LPP: variants seen among roughly 807,000 people sequenced by gnomAD.
LPP encodes the protein LIM domain containing preferred translocation partner in lipoma.
Under a neutral mutation model 60.4 loss-of-function variants are expected in LPP, and 38 were observed. The observed-to-expected ratio is 0.63, with a 90% CI of 0.49 to 0.83. The LOEUF (loss-of-function observed/expected upper bound fraction) is 0.83, where lower values mean the gene tolerates loss of function less well. LPP is among the 40% of genes least tolerant of loss of function. The pLI is 0.00. For missense variants in LPP, 902 were observed against 783.6 expected (o/e 1.15, Z -1.80); for synonymous variants, 328 against 290.8 (o/e 1.13, Z -1.30).
intron 4 of LPP, among the ~76,000 whole-genome samples, chr3:188,469,594 C>T (rs758864174): frequency 1.3e-5 from 2 of 152,100 alleles, no homozygotes; most frequent in Non-Finnish European, 2.9e-5. Flanking sequence ...TATGCAGTTC[C>T]TTTCCAAGAT....
At chr3:188,296,896 G>T (rs1226499478) in intron 2 of LPP, among the ~76,000 whole-genome samples, 3 of 152,172 alleles carry the variant, frequency 2.0e-5, no homozygotes, top group Non-Finnish European at 2.9e-5. Flanking sequence ...CTCAATAATT[G>T]GGTAACTCTC....
chr3:188,528,862 G>T (rs1254025015), intron 6 of LPP, among the ~76,000 whole-genome samples: 2 of 152,110 alleles, frequency 1.3e-5, no homozygotes, highest in Admixed American at 1.3e-4. Flanking sequence ...ATGAAAGCTG[G>T]CATCAGTCAT....
intron 6 of LPP, among the ~76,000 whole-genome samples, chr3:188,578,061 C>A (rs949434931): frequency 6.6e-6 from 1 of 152,012 alleles, no homozygotes; most frequent in East Asian, 1.9e-4. Flanking sequence ...TGTCTCTGTA[C>A]TTGAATCTAT....
At chr3:188,850,027 G>C (rs1306669226) in intron 9 of LPP, among the ~76,000 whole-genome samples, 1 of 152,222 alleles carries the variant, frequency 6.6e-6, no homozygotes, top group Admixed American at 6.5e-5. Flanking sequence ...CTTTTTAAAA[G>C]TTATGGATGC....
chr3:188,193,979 G>A (rs1488673086), intron 1 of LPP, among the ~76,000 whole-genome samples: 1 of 152,192 alleles, frequency 6.6e-6, no homozygotes, highest in Non-Finnish European at 1.5e-5. Context: ...GCTCAGCTCT[G>A]CCACTGACAT....
intron 8 of LPP, among the ~76,000 whole-genome samples, chr3:188,724,408 T>C (rs902428028): frequency 6.6e-6 from 1 of 152,160 alleles, no homozygotes; most frequent in Admixed American, 6.5e-5. Context: ...CTACTTTCCT[T>C]GGGGGATGTT....
intron 8 of LPP, among the ~76,000 whole-genome samples, chr3:188,733,211 T>A (rs1721279722): frequency 6.6e-6 from 1 of 152,046 alleles, no homozygotes; most frequent in Admixed American, 6.6e-5. Flanking sequence ...ATTTCTTTAT[T>A]TCTCTGCTGC....
At chr3:188,739,284 G>T (rs889898679) in intron 8 of LPP, among the ~76,000 whole-genome samples, 1 of 152,006 alleles carries the variant, frequency 6.6e-6, no homozygotes, top group Non-Finnish European at 1.5e-5. Flanking sequence ...GGAAGGAAGG[G>T]AGTGACCAAG....
chr3:188,500,897 TTTTA>T (rs1811631919), intron 5 of LPP, among the ~76,000 whole-genome samples: 1 of 152,158 alleles, frequency 6.6e-6, no homozygotes, highest in South Asian at 2.1e-4. Flanking sequence ...ATGCCCCTAC[TTTTA>T]TTTTTGTCTT....
rs113491944 is a variant in LPP at position 188,804,058 on chromosome 3, C to G, written c.1410+43776C>G. ...ATGAAGTATTCCATGTTTTGGGGTG[C>G]TTTTACAAATGGTGATTTAAAAATA... On this transcript the variant is annotated intron_variant, in intron 9 of 11. Coordinates refer to ENST00000617246, the MANE Select transcript of LPP (RefSeq NM_001375462.1). Among the ~76,000 whole-genome samples, 300 of 150,858 alleles carry G rather than the reference C, an allele frequency of 2.0e-3. 2 individuals carry two copies. Among genetic ancestry groups the G allele is most frequent in the African/African-American group, 6.9e-3 (284 of 41,142 alleles).
intron 2 of LPP, among the ~76,000 whole-genome samples, chr3:188,307,018 C>A (rs1377829941): frequency 1.3e-5 from 2 of 152,208 alleles, no homozygotes; most frequent in Non-Finnish European, 2.9e-5. Flanking sequence ...ATCTTCTGTG[C>A]ATATTTTTAA....
At chr3:188,321,833 A>C (rs578102036) in intron 2 of LPP, among the ~76,000 whole-genome samples, 2 of 152,320 alleles carry the variant, frequency 1.3e-5, no homozygotes, top group South Asian at 4.1e-4. Context: ...AAATAGAGAA[A>C]ACTTTGTGAA....
chr3:188,375,656 G>A (rs1426164177), intron 3 of LPP, among the ~76,000 whole-genome samples: 5 of 152,036 alleles, frequency 3.3e-5, no homozygotes, highest in Non-Finnish European at 7.4e-5. Context: ...AAAAAAACCA[G>A]CTCCTGGATT....
intron 7 of LPP, among the ~76,000 whole-genome samples, chr3:188,617,733 C>T (rs1845126400): frequency 6.6e-6 from 1 of 152,160 alleles, no homozygotes; most frequent in Admixed American, 6.6e-5. Flanking sequence ...TACCCCAGGT[C>T]TCAAATCCCT....
chr3:188,542,348 T>C (rs75475884), intron 6 of LPP, among the ~76,000 whole-genome samples: 8,364 of 152,250 alleles, frequency 0.055, 772 homozygotes, highest in African/African-American at 0.19. Context: ...CACAATATCT[T>C]GTTAAACATC....
intron 2 of LPP, among the ~76,000 whole-genome samples, chr3:188,250,744 T>TTC (rs1728912007): frequency 9.5e-6 from 1 of 104,790 alleles, no homozygotes; most frequent in Non-Finnish European, 2.0e-5. Context: ...CTTTCTTTCT[T>TTC]TCTTTCTTTC....
At chr3:188,323,350 G>A (rs1054288891) in intron 2 of LPP, among the ~76,000 whole-genome samples, 5 of 152,114 alleles carry the variant, frequency 3.3e-5, no homozygotes, top group African/African-American at 1.2e-4. Context: ...TCCTGGGCTG[G>A]GGAAATATCT....
intron 7 of LPP, among the ~76,000 whole-genome samples, chr3:188,700,247 G>A (rs954111673): frequency 6.6e-6 from 1 of 152,076 alleles, no homozygotes; most frequent in Non-Finnish European, 1.5e-5. Flanking sequence ...TTCTGGTAAG[G>A]TTCAGATTTG....
At chr3:188,467,791 G>C (rs1800844272) in intron 4 of LPP, among the ~76,000 whole-genome samples, 1 of 152,136 alleles carries the variant, frequency 6.6e-6, no homozygotes, top group African/African-American at 2.4e-5. Flanking sequence ...TGAGAAGCTG[G>C]AAAAGACAAA....
Sources: gnomAD v4.1 joint callset for allele counts (sites outside exome capture counted in the v4.1 genomes callset) on GRCh38, gnomAD v4.1.1 for gene constraint, MANE v1.5 for transcripts, NCBI Gene and HGNC (gene_info 2026-07-23, HGNC 2026-07-21) for gene names.